The following CHD7 variants were observed in gnomAD, a reference collection of about 807,000 sequenced individuals.
The protein encoded by CHD7 is ATP-dependent chromatin remodeler CHD7.
CHD7 carries 24 observed loss-of-function variants against 307.3 expected under a neutral mutation model. That is an observed-to-expected ratio of 0.08 (90% CI 0.06 to 0.11). The LOEUF (loss-of-function observed/expected upper bound fraction) is 0.11. Ranked by LOEUF, CHD7 falls within the 10% of genes least tolerant of loss-of-function variation. The pLI is 1.00. For synonymous variants in CHD7, 1,363 were observed against 1,349.9 expected (o/e 1.01, Z -0.21); for missense variants, 3,106 against 3,727.1 (o/e 0.83, Z 4.34).
chr8:60,786,404 A>G (rs73251182), intron 3 of CHD7, among the ~76,000 whole-genome samples: 3,768 of 152,316 alleles, frequency 0.025, 148 homozygotes, highest in African/African-American at 0.086. Flanking sequence ...TTGCCAACTC[A>G]TGGTCTGTGC....
chr8:60,864,761 T>C (rs891484917), intron 37 of CHD7: 4 of 474,394 alleles, frequency 8.4e-6, no homozygotes, highest in African/African-American at 7.8e-5. Context: ...ATTTCTTGAG[T>C]TAGTTATGGA....
intron 1 of CHD7, among the ~76,000 whole-genome samples, chr8:60,711,318 G>A (rs1344328346): frequency 6.6e-6 from 1 of 152,160 alleles, no homozygotes. Context: ...TCCATTTCTT[G>A]TGGAGGAGAT....
At chr8:60,798,993 TA>T (rs1193200811) in intron 4 of CHD7, among the ~76,000 whole-genome samples, 2 of 152,238 alleles carry the variant, frequency 1.3e-5, no homozygotes, top group African/African-American at 4.8e-5. Flanking sequence ...TAGCTATTAA[TA>T]ATCTGTTGTC....
chr8:60,858,594 G>C (rs1482957229), intron 34 of CHD7, among the ~76,000 whole-genome samples: 1 of 152,038 alleles, frequency 6.6e-6, no homozygotes, highest in Admixed American at 6.6e-5. Context: ...ATATTTGTAG[G>C]TTTTTTTGTT....
chr8:60,811,506 C>G (rs1812805168), intron 7 of CHD7, among the ~76,000 whole-genome samples: 1 of 152,174 alleles, frequency 6.6e-6, no homozygotes, highest in African/African-American at 2.4e-5. Flanking sequence ...TAGGGGTCCT[C>G]CTCATTCTTT....
rs1260054726 is a variant in CHD7 at position 60,865,032 on chromosome 8, C to T, written c.8093C>T (p.Ser2698Leu). Reference sequence around the variant, plus strand: ...GTACTCCAGGGTTTTGTTCCTGAGTCGATGTTTGACCGCCTTCTCACTGGG... The same window carrying T: ...GTACTCCAGGGTTTTGTTCCTGAGTTGATGTTTGACCGCCTTCTCACTGGG... ...IVKQSGFVPE[S>L]MFDRLLTGPV... Residue 2698 changes from serine to leucine, a missense_variant, in exon 38 of 38, where the codon TCG (serine) becomes TTG (leucine). Ser to Leu is a moderately radical substitution (Grantham distance 145, BLOSUM62 -2). Transcript: ENST00000423902. The surrounding 1 kb of genome is among the most constrained non-coding windows in gnomAD (Gnocchi z 4.3). 6.2e-7 allele frequency: 1 copy of T among 1,600,914 alleles called. No homozygotes were observed. Among genetic ancestry groups the T allele is most frequent in the East Asian group, 2.2e-5 (1 of 44,490 alleles).
Position 60,853,543 on chromosome 8 carries a change from T to A in CHD7, c.6775+43T>A, listed in dbSNP as rs766588453. The stretch of plus-strand genomic sequence containing the variant: ...GCCCCTCTCCTGACCCTGCAGCAGC[T>A]GGTTGTGAGATGCGTTGCTTTCTGG... On this transcript the variant is annotated intron_variant, in intron 31 of 37. Transcript: ENST00000423902. The A allele has an allele frequency of 4.8e-5, 70 of 1,446,938 alleles. 1 individual carries two copies. In the South Asian group the frequency reaches 6.4e-4, roughly 13 times the overall value. 89.6% of individuals were successfully genotyped at this position (1,446,938 alleles called of 1,614,324 possible). A position where few individuals can be genotyped will look rare whatever the true frequency, so the allele number is the denominator to read the frequency against.
intron 3 of CHD7, among the ~76,000 whole-genome samples, chr8:60,790,873 G>A (rs1675444840): frequency 2.6e-5 from 4 of 152,150 alleles, no homozygotes; most frequent in Non-Finnish European, 5.9e-5. Context: ...GGTGGAGTGA[G>A]GAGATCATGT....
chr8:60,865,561 T>C lies in CHD7; in HGVS notation c.8622T>C (p.Val2874=). ...CTGCTGACTCTGCGAATGGATCTGT[T>C]GGTGCTGCTACTGCCCCGGCTGGAT... ...VSAADSANGS[V]GAATAPAGLP... The change falls in exon 38 of 38, where the codon GTT becomes GTC. Residue 2874 remains valine (V), a synonymous_variant. Transcript: ENST00000423902. This position sits in a 1 kb window ranked among gnomAD's most constrained non-coding sequence, Gnocchi z 4.3. 1.2e-6 allele frequency: 2 copies of C among 1,614,084 alleles called. No individual in the cohort carries two copies. Among genetic ancestry groups the C allele is most frequent in the African/African-American group, 1.3e-5 (1 of 75,070 alleles).
Position 60,856,160 on chromosome 8 carries a change from T to C in CHD7, c.7122T>C (p.Ile2374=). ...AELSMVGQAS[I]SGSEDITTSP... is the part of the protein sequence containing the mutation. ...TCTCCATGGTCGGCCAAGCCAGCAT[T>C]AGTGGGAGTGAGGACATCACTACGT... is the stretch of plus-strand genomic sequence containing the variant. Residue 2374 remains isoleucine (I), a synonymous_variant, in exon 33 of 38, where the codon ATT becomes ATC. Coordinates refer to ENST00000423902, the MANE Select transcript of CHD7 (RefSeq NM_017780.4). The C allele has an allele frequency of 6.2e-7, 1 of 1,605,402 alleles. No individual in the cohort carries two copies. Among genetic ancestry groups the C allele is most frequent in the Non-Finnish European group, 8.5e-7 (1 of 1,175,868 alleles).
chr8:60,748,164 G>A (rs1293240985), intron 2 of CHD7, among the ~76,000 whole-genome samples: 1 of 152,196 alleles, frequency 6.6e-6, no homozygotes, highest in African/African-American at 2.4e-5. Context: ...GTAGAGATCA[G>A]CACTGATCTT....
In CHD7 at chr8:60,801,823, A is replaced by G. The variant is rs1027270068; in HGVS notation, c.2442+230A>G. On this transcript the variant is annotated intron_variant, in intron 6 of 37. Coordinates refer to ENST00000423902, the MANE Select transcript of CHD7 (RefSeq NM_017780.4). ...TTTATTACACCATTCAGAGTGGACT[A>G]GAAACTCACAAGTCTCCAAATAAAT... 5.3e-5 allele frequency among the ~76,000 whole-genome samples: 8 copies of G among 152,354 alleles called. No individual in the cohort carries two copies. In the South Asian group the frequency reaches 1.4e-3, roughly 28 times the overall value.
At chr8:60,823,479 A>G (rs1804137561) in intron 12 of CHD7, among the ~76,000 whole-genome samples, 2 of 152,296 alleles carry the variant, frequency 1.3e-5, no homozygotes, top group South Asian at 4.1e-4. Context: ...CTGACCTACA[A>G]TTAAATAACT....
chr8:60,860,589 C>T (rs935376877), intron 34 of CHD7, among the ~76,000 whole-genome samples: 1 of 152,236 alleles, frequency 6.6e-6, no homozygotes, highest in East Asian at 1.9e-4. Context: ...CAAGTGCCAC[C>T]ATGCCTGGCT....
intron 2 of CHD7, among the ~76,000 whole-genome samples, chr8:60,756,752 C>G (rs1809918435): frequency 6.6e-6 from 1 of 152,088 alleles, no homozygotes; most frequent in East Asian, 1.9e-4. Context: ...GGGGTGGGTG[C>G]ATTGCATATC....
rs1403534671 is a variant in CHD7, at chr8:60,791,243, C to T, written c.2097-3743C>T. ...GGTTTAGGAGAGGAATGAGGGCAGA[C>T]ATGATTTCTTCAGTGCTGGTGCCAT... On this transcript the variant is annotated intron_variant, in intron 3 of 37. Transcript: ENST00000423902. Among the ~76,000 whole-genome samples the T allele has an allele frequency of 2.0e-5, 3 of 152,172 alleles. No homozygotes were observed. In the East Asian group the frequency reaches 5.8e-4, roughly 29 times the overall value.
intron 25 of CHD7, among the ~76,000 whole-genome samples, chr8:60,849,592 G>A (rs893282313): frequency 5.3e-5 from 8 of 152,224 alleles, no homozygotes; most frequent in South Asian, 2.1e-4. Context: ...GAGAACTCGC[G>A]GCTCCCCTGA....
chr8:60,751,612 G>T (rs1452426243), intron 2 of CHD7, among the ~76,000 whole-genome samples: 1 of 152,234 alleles, frequency 6.6e-6, no homozygotes, highest in African/African-American at 2.4e-5. Context: ...TCTTGTATCA[G>T]TGAAGAAAGT....
intron 2 of CHD7, among the ~76,000 whole-genome samples, chr8:60,753,536 AAAAC>A (rs1237588689): frequency 1.3e-5 from 2 of 152,222 alleles, no homozygotes; most frequent in African/African-American, 2.4e-5. Flanking sequence ...ATTGATGAAG[AAAAC>A]AAACAACAAC....
Sources: gnomAD v4.1 joint callset for allele counts (sites outside exome capture counted in the v4.1 genomes callset) on GRCh38, gnomAD v4.1.1 for gene constraint, Gnocchi (gnomAD v3.1) non-coding constraint, MANE v1.5 for transcripts, NCBI Gene and HGNC (gene_info 2026-07-23, HGNC 2026-07-21) for gene names.